VTCN1: variants seen among roughly 807,000 people sequenced by gnomAD.
VTCN1 encodes the protein V-set domain-containing T-cell activation inhibitor 1.
Under a neutral mutation model 26.5 loss-of-function variants are expected in VTCN1, and 26 were observed. The observed-to-expected ratio is 0.98, with a 90% confidence interval of 0.72 to 1.36. VTCN1 has a LOEUF of 1.36. Among genes scored for constraint, VTCN1 ranks in the 40% most tolerant of loss-of-function variants. The probability of loss-of-function intolerance (pLI) is 0.00; values close to 1 mark genes in which losing one functional copy is unlikely to be tolerated. For missense variants in VTCN1, 298 were observed against 337.7 expected, an observed-to-expected ratio of 0.88 and a Z score of 0.92; for synonymous variants, 116 against 130.7, an observed-to-expected ratio of 0.89 and a Z score of 0.77.
intron 1 of VTCN1, chr1:117,172,398 CT>C (rs1353259294): frequency 1.9e-6 from 1 of 518,696 alleles, no homozygotes; most frequent in Non-Finnish European, 3.9e-6. Flanking sequence ...CACTGCTCCT[CT>C]TTTCCCACAC....
At chr1:117,152,671 T>A (rs1270843466) in intron 4 of VTCN1, among the ~76,000 whole-genome samples, 2 of 151,716 alleles carry the variant, frequency 1.3e-5, no homozygotes, top group African/African-American at 2.4e-5. Context: ...CACAGCCTTC[T>A]CAAAGGCAGG....
At chr1:117,201,934 G>C (rs1175182101) in intron 1 of VTCN1, among the ~76,000 whole-genome samples, 1 of 152,202 alleles carries the variant, frequency 6.6e-6, no homozygotes, top group African/African-American at 2.4e-5. Context: ...TCAAATCTCA[G>C]CTTCTTGCCT....
chr1:117,180,814 C>T (rs1231992027), intron 1 of VTCN1, among the ~76,000 whole-genome samples: 2 of 152,226 alleles, frequency 1.3e-5, no homozygotes, highest in Non-Finnish European at 2.9e-5. Context: ...CTGCTCACCT[C>T]TCCTCCTCCA....
At chr1:117,164,620 A>G (rs1652520396) in intron 2 of VTCN1, among the ~76,000 whole-genome samples, 1 of 152,196 alleles carries the variant, frequency 6.6e-6, no homozygotes, top group Admixed American at 6.5e-5. Context: ...AATTCTCACA[A>G]TGACCCTGCC....
chr1:117,179,041 C>CA (rs1361103143), intron 1 of VTCN1, among the ~76,000 whole-genome samples: 1 of 152,158 alleles, frequency 6.6e-6, no homozygotes, highest in Admixed American at 6.5e-5. Context: ...GGTACAATAG[C>CA]AATGTTAGCT....
intron 1 of VTCN1, chr1:117,203,923 G>T: frequency 3.0e-6 from 1 of 335,102 alleles, no homozygotes; most frequent in Non-Finnish European, 4.3e-6. Context: ...TGTGGATGCT[G>T]CTGGTTGGAA....
chr1:117,173,158 G>A (rs1653014090), intron 1 of VTCN1: 5 of 715,550 alleles, frequency 7.0e-6, no homozygotes, highest in Non-Finnish European at 1.3e-5. Flanking sequence ...AACTCCGGAC[G>A]CGCCACCTTT....
At chr1:117,200,549 T>C (rs1305796105) in intron 1 of VTCN1, among the ~76,000 whole-genome samples, 1 of 152,190 alleles carries the variant, frequency 6.6e-6, no homozygotes, top group Non-Finnish European at 1.5e-5. Context: ...ACATTACCCT[T>C]TGAATATCTT....
chr1:117,184,575 C>T (rs1181658496), intron 1 of VTCN1, among the ~76,000 whole-genome samples: 1 of 152,112 alleles, frequency 6.6e-6, no homozygotes, highest in Non-Finnish European at 1.5e-5. Context: ...TGTCAGTGGG[C>T]AGTACTACCA....
chr1:117,202,785 G>A (rs1648850734), intron 1 of VTCN1, among the ~76,000 whole-genome samples: 1 of 152,160 alleles, frequency 6.6e-6, no homozygotes, highest in South Asian at 2.1e-4. Context: ...TCCAGCCTGT[G>A]CTTGAAACCT....
chr1:117,157,734 G>A (rs568855713), intron 2 of VTCN1, among the ~76,000 whole-genome samples: 4 of 152,232 alleles, frequency 2.6e-5, no homozygotes, highest in Admixed American at 2.6e-4. Context: ...GTCCCCCAAA[G>A]TCTTAATTCA....
chr1:117,165,995 A>G (rs958266636), intron 2 of VTCN1, among the ~76,000 whole-genome samples: 1 of 152,214 alleles, frequency 6.6e-6, no homozygotes, highest in African/African-American at 2.4e-5. Context: ...ACCAGCTGTC[A>G]CCCTGTGAAA....
chr1:117,163,004 C>T (rs1652446093), intron 2 of VTCN1, among the ~76,000 whole-genome samples: 1 of 152,210 alleles, frequency 6.6e-6, no homozygotes, highest in Admixed American at 6.5e-5. Flanking sequence ...AGATGGTCAC[C>T]AGCATCTGCT....
In VTCN1 at chr1:117,156,746, C is replaced by T. The variant is rs115383914; in HGVS notation, c.273G>A (p.Ser91=). ...GGCCTCTGAACATTTCATCCTGCTC[C>T]GACAGCTCATCTTTGCCTTCTTTGA... ...HEFKEGKDEL[S]EQDEMFRGRT... Residue 91 remains serine, a synonymous_variant, in exon 3 of 6, where the codon TCG becomes TCA. Transcript: ENST00000369458. 408 of 1,614,106 alleles carry T rather than the reference C, an allele frequency of 2.5e-4. 1 individual carries two copies. The African/African-American group carries it at 4.4e-3, about 18-fold the overall frequency.
chr1:117,180,314 A>G (rs989513728), intron 1 of VTCN1, among the ~76,000 whole-genome samples: 6 of 152,276 alleles, frequency 3.9e-5, no homozygotes, highest in Middle Eastern at 3.4e-3. Context: ...ATAAGCATGT[A>G]TTAGCATTTC....
At chr1:117,186,415 T>C (rs1183586700) in intron 1 of VTCN1, among the ~76,000 whole-genome samples, 5 of 152,204 alleles carry the variant, frequency 3.3e-5, no homozygotes, top group Non-Finnish European at 7.3e-5. Context: ...CTCAGAAGCA[T>C]AAACCAGGCA....
rs1652264503 is a variant in VTCN1, at chr1:117,159,620, T to C, written c.98-2699A>G. 6.6e-6 allele frequency among the ~76,000 whole-genome samples: 1 copy of C among 152,230 alleles called. No individual in the cohort carries two copies. Among genetic ancestry groups the C allele is most frequent in the Non-Finnish European group, 1.5e-5 (1 of 68,040 alleles). On this transcript the variant is annotated intron_variant, in intron 2 of 5. Coordinates refer to ENST00000369458, the MANE Select transcript of VTCN1 (RefSeq NM_024626.4). This position sits in a 1 kb window ranked among gnomAD's most constrained non-coding sequence, Gnocchi z 4.7. Reference sequence around the variant, plus strand: ...ATGGATATTAACCTGATTTGCAAACTGTAATTACACATATAAGGTATTGTT... The same window carrying C: ...ATGGATATTAACCTGATTTGCAAACCGTAATTACACATATAAGGTATTGTT...
At chr1:117,168,160 T>C (rs1226878694) in intron 2 of VTCN1, among the ~76,000 whole-genome samples, 1 of 151,792 alleles carries the variant, frequency 6.6e-6, no homozygotes, top group African/African-American at 2.4e-5. Context: ...AGAAACTTGG[T>C]TGAGAGAAAA....
chr1:117,153,311 A>C lies in VTCN1; in HGVS notation c.504T>G (p.Cys168Trp). 1 of 1,614,064 alleles carries C rather than the reference A, an allele frequency of 6.2e-7. No individual in the cohort carries two copies. Among genetic ancestry groups the C allele is most frequent in the East Asian group, 2.2e-5 (1 of 44,874 alleles). Residue 168 changes from cysteine (C) to tryptophan (W), a missense_variant, in exon 4 of 6, where the codon TGT becomes TGG. Physicochemically the swap from Cys to Trp is radical, Grantham distance 215. Coordinates refer to ENST00000369458, the MANE Select transcript of VTCN1 (RefSeq NM_024626.4). The part of the protein sequence containing the change: ...DYNASSETLR[C>W]EAPRWFPQPT... The stretch of plus-strand genomic sequence containing the variant: ...GCTGGGGGAACCATCGGGGAGCCTC[A>C]CACCGCAAGGTCTCTGAGCTGGCAT...
Sources: allele counts gnomAD v4.1 joint callset (sites outside exome capture counted in the v4.1 genomes callset), GRCh38; gene constraint gnomAD v4.1.1; non-coding constraint Gnocchi (gnomAD v3.1); transcripts MANE v1.5; gene names NCBI Gene and HGNC (gene_info 2026-07-23, HGNC 2026-07-21).